KATNAL1: variants seen among roughly 807,000 people sequenced by gnomAD.
KATNAL1 encodes the protein katanin catalytic subunit A1 like 1.
KATNAL1 carries 32 observed loss-of-function variants against 55.2 expected under a neutral mutation model. The ratio of observed to expected loss-of-function variants is 0.58; its 90% CI spans 0.44 to 0.78. The LOEUF (loss-of-function observed/expected upper bound fraction) is 0.78, where lower values mean the gene tolerates loss of function less well. KATNAL1 is among the 30% of genes least tolerant of loss of function. KATNAL1 has a pLI of 0.00. For synonymous variants in KATNAL1, 193 were observed against 193.6 expected, an observed-to-expected ratio of 1.00 and a Z score of 0.02; for missense variants, 466 against 600.9, an observed-to-expected ratio of 0.78 and a Z score of 2.35.
At chr13:30,257,081 T>A (rs996475307) in intron 3 of KATNAL1, among the ~76,000 whole-genome samples, 1 of 152,210 alleles carries the variant, frequency 6.6e-6, no homozygotes, top group African/African-American at 2.4e-5. Context: ...ATTCTACCTA[T>A]AAAATAAAAA....
chr13:30,223,214 C>T (rs140216013), intron 9 of KATNAL1, among the ~76,000 whole-genome samples: 135 of 150,524 alleles, frequency 9.0e-4, no homozygotes, highest in African/African-American at 1.2e-3. Flanking sequence ...CCAAGGCGGG[C>T]GGATCACAAG....
At chr13:30,217,423 C>T (rs1874402319) in intron 9 of KATNAL1, among the ~76,000 whole-genome samples, 1 of 152,152 alleles carries the variant, frequency 6.6e-6, no homozygotes. Context: ...CACTGCACTC[C>T]AGCCTGGGCA....
At chr13:30,233,524 T>G (rs1160885364) in intron 6 of KATNAL1, among the ~76,000 whole-genome samples, 1 of 151,598 alleles carries the variant, frequency 6.6e-6, no homozygotes, top group East Asian at 1.9e-4. Flanking sequence ...TGTGGAAAAC[T>G]GTGTGGAGGT....
chr13:30,296,849 C>G (rs1882535853), intron 1 of KATNAL1: 15 of 368,276 alleles, frequency 4.1e-5, no homozygotes, highest in South Asian at 3.2e-4. Flanking sequence ...ACCTGCCCCT[C>G]CAAACACCAC....
At chr13:30,278,841 T>A (rs9579551) in intron 3 of KATNAL1, among the ~76,000 whole-genome samples, 8 of 152,052 alleles carry the variant, frequency 5.3e-5, no homozygotes, top group Non-Finnish European at 8.8e-5. Flanking sequence ...CTTAAAACAC[T>A]GCCTTTTGAG....
rs1445579771 is a variant in KATNAL1 at position 30,238,152 on chromosome 13, A to G, written c.726+2308T>C. 2.0e-5 allele frequency among the ~76,000 whole-genome samples: 3 copies of G among 152,234 alleles called. No individual in the cohort carries two copies. The East Asian group carries it at 5.8e-4, about 29-fold the overall frequency. On this transcript the variant is annotated intron_variant, in intron 6 of 10. Coordinates refer to ENST00000380615, the MANE Select transcript of KATNAL1 (RefSeq NM_032116.5). ...TCAAAGAGGTCTCCCAAACACCTAC[A>G]GAAAAAGAATCGAACTCCTGGGAAA...
At chr13:30,227,590 T>C (rs764840601) in intron 8 of KATNAL1, 44 bp from the exon 9 acceptor site, 2 of 1,569,302 alleles carry the variant, frequency 1.3e-6, no homozygotes, top group Non-Finnish European at 1.7e-6. Flanking sequence ...TTCTTACAAC[T>C]CTTTATTCTT....
intron 9 of KATNAL1, among the ~76,000 whole-genome samples, chr13:30,213,145 C>T (rs896929879): frequency 6.6e-6 from 1 of 152,184 alleles, no homozygotes; most frequent in Admixed American, 6.5e-5. Flanking sequence ...CTACAAACAC[C>T]TCTACGCAAA....
At chr13:30,239,739 G>T (rs1008748141) in intron 6 of KATNAL1, among the ~76,000 whole-genome samples, 2 of 143,522 alleles carry the variant, frequency 1.4e-5, no homozygotes, top group South Asian at 4.5e-4. Context: ...AGGCTGGAGT[G>T]CAGTTGCGCG....
In KATNAL1 at chr13:30,296,122, CT is replaced by C. The variant is rs1252188565; in HGVS notation, c.-15+11208del. The C allele has an allele frequency of 3.3e-5, 14 of 424,278 alleles. No individual in the cohort carries two copies. In the East Asian group the frequency reaches 5.5e-4, roughly 17 times the overall value. 26.3% of individuals were successfully genotyped at this position (424,278 alleles called of 1,614,324 possible). ...GCACGTGATCGTCCGTGCATCTAGC[CT>C]TTGCCCACACAGCTTGTTCAGTCAT... On this transcript the variant is annotated intron_variant, in intron 1 of 10. Coordinates refer to ENST00000380615, the MANE Select transcript of KATNAL1 (RefSeq NM_032116.5).
intron 1 of KATNAL1, chr13:30,296,585 A>T (rs1303820705): frequency 1.1e-5 from 8 of 727,298 alleles, no homozygotes; most frequent in Non-Finnish European, 2.1e-5. Flanking sequence ...TGCCTGTGGG[A>T]CGCTCATTGG....
At position 30,240,445 on chromosome 13, in the gene KATNAL1, T is replaced by G. The variant is rs1566100790; in HGVS notation, c.726+15A>C. On this transcript the variant is annotated intron_variant, in intron 6 of 10. Transcript: ENST00000380615. ...GTAGCATTCTTATATCAAAACCAAT[T>G]TAATAAATTCTCACCTTCCATGGCC... 6.4e-6 allele frequency: 10 copies of G among 1,559,858 alleles called. No individual in the cohort carries two copies. Among genetic ancestry groups the G allele is most frequent in the Non-Finnish European group, 8.8e-6 (10 of 1,131,530 alleles).
chr13:30,240,129 A>C (rs1248914583), intron 6 of KATNAL1, among the ~76,000 whole-genome samples: 1 of 152,250 alleles, frequency 6.6e-6, no homozygotes, highest in Non-Finnish European at 1.5e-5. Context: ...CCTTTCTTCT[A>C]TAAGACCATA....
chr13:30,277,750 G>A lies in KATNAL1; in HGVS notation c.323+2313C>T, dbSNP rs563609614. 1.5e-4 allele frequency among the ~76,000 whole-genome samples: 23 copies of A among 152,058 alleles called. No individual in the cohort carries two copies. In the East Asian group the frequency reaches 1.5e-3, roughly 10 times the overall value. ...TGTAATCCCAGCACTTTGGGAGGCC[G>A]AGGCGGGCGGATCACGAGGTCAGGA... On this transcript the variant is annotated intron_variant, in intron 3 of 10. Coordinates refer to ENST00000380615, the MANE Select transcript of KATNAL1 (RefSeq NM_032116.5).
At chr13:30,299,888 C>G (rs1882753475) in intron 1 of KATNAL1, among the ~76,000 whole-genome samples, 1 of 152,144 alleles carries the variant, frequency 6.6e-6, no homozygotes. Context: ...GTAACTGTTT[C>G]ATGACTCAGA....
intron 5 of KATNAL1, 86 bp downstream of exon 5, chr13:30,240,873 G>T: frequency 8.2e-7 from 1 of 1,213,230 alleles, no homozygotes; most frequent in South Asian, 1.4e-5. Context: ...TCAGATTAAT[G>T]AATAACAAGA....
intron 1 of KATNAL1, among the ~76,000 whole-genome samples, chr13:30,284,120 A>G (rs1383425976): frequency 1.3e-5 from 2 of 152,152 alleles, no homozygotes; most frequent in Non-Finnish European, 2.9e-5. Flanking sequence ...TAAGCCTCCC[A>G]AAGTGCTGGG....
chr13:30,226,785 A>G (rs947492866), intron 9 of KATNAL1, among the ~76,000 whole-genome samples: 6 of 152,232 alleles, frequency 3.9e-5, no homozygotes, highest in South Asian at 4.1e-4. Flanking sequence ...GGATGAAACT[A>G]TATTTTCCAG....
At chr13:30,251,117 G>A (rs1279437185) in intron 4 of KATNAL1, among the ~76,000 whole-genome samples, 3 of 141,936 alleles carry the variant, frequency 2.1e-5, no homozygotes, top group African/African-American at 7.9e-5. Context: ...CAGTCTCTGG[G>A]CGACAGAGCA....
Sources: allele counts gnomAD v4.1 joint callset (sites outside exome capture counted in the v4.1 genomes callset), GRCh38; gene constraint gnomAD v4.1.1; transcripts MANE v1.5; gene names NCBI Gene and HGNC (gene_info 2026-07-23, HGNC 2026-07-21).